Variants in LARP4 observed in about 807,000 individuals in gnomAD.
LARP4 encodes the protein La ribonucleoprotein 4, also known as la-related protein 4.
A neutral mutation model predicts 92.9 loss-of-function variants in LARP4; 29 were observed. The observed-to-expected ratio is 0.31, with a 90% CI of 0.23 to 0.43. The LOEUF (loss-of-function observed/expected upper bound fraction) is 0.43, where lower values mean the gene tolerates loss of function less well. Among genes scored for constraint, LARP4 ranks in the 20% least tolerant of loss-of-function variants. LARP4 has a pLI of 1.00. For missense variants in LARP4, 732 were observed against 860.0 expected (o/e 0.85, Z 1.86); for synonymous variants, 279 against 284.1 (o/e 0.98, Z 0.18).
intron 1 of LARP4, among the ~76,000 whole-genome samples, chr12:50,422,648 ATC>A: frequency 6.6e-6 from 1 of 151,926 alleles, no homozygotes; most frequent in South Asian, 2.1e-4. Context: ...TGTATTCCTC[ATC>A]TGTTTAAACA....
intron 2 of LARP4, among the ~76,000 whole-genome samples, chr12:50,428,259 C>T (rs985467943): frequency 6.6e-6 from 1 of 152,088 alleles, no homozygotes; most frequent in African/African-American, 2.4e-5. Context: ...AACTCCTGAC[C>T]TCAAGTGATC....
intron 4 of LARP4, among the ~76,000 whole-genome samples, chr12:50,431,496 T>A (rs1949650784): frequency 6.6e-6 from 1 of 152,214 alleles, no homozygotes; most frequent in Admixed American, 6.5e-5. Context: ...ATTGCCAATG[T>A]CTTCTCTTAA....
At chr12:50,429,946 T>G (rs1220328989) in intron 3 of LARP4, among the ~76,000 whole-genome samples, 2 of 152,208 alleles carry the variant, frequency 1.3e-5, no homozygotes, top group Non-Finnish European at 2.9e-5. Flanking sequence ...GGCCTTTAAG[T>G]GCTTTTAGTA....
rs1327516911 is a variant in LARP4, at chr12:50,477,708, A to G, written c.*1844A>G. On this transcript the variant is annotated 3_prime_UTR_variant, in exon 16 of 16. Coordinates refer to ENST00000398473, the MANE Select transcript of LARP4 (RefSeq NM_052879.5). Reference sequence around the variant, plus strand: ...TTGTTTTATGACATGGTATACTACTATATTTACTCAGTTTGAAACTATTCA... The same window carrying G: ...TTGTTTTATGACATGGTATACTACTGTATTTACTCAGTTTGAAACTATTCA... 3 of 152,552 alleles carry G rather than the reference A, an allele frequency of 2.0e-5. No homozygotes were observed. The highest frequency in any genetic ancestry group is 1.9e-4 in the East Asian group (1 of 5,204). The allele number at this position is 152,552 out of a possible 1,614,324, so 9.4% of individuals were successfully genotyped here.
Position 50,435,482 on chromosome 12 carries a change from T to TTCTC in LARP4, c.399-5_399-4insCTCT. ...CTTGTTTTATAGGACTATTTTGTTT[T>TTCTC]TTCAGAGAAAATTTGTCAAAGGATC... On this transcript the variant is annotated splice_polypyrimidine_tract_variant and splice_region_variant and intron_variant, in intron 4 of 15. Coordinates refer to ENST00000398473, the MANE Select transcript of LARP4 (RefSeq NM_052879.5). The TTCTC allele has an allele frequency of 1.1e-6, 1 of 883,446 alleles. No individual in the cohort carries two copies. The highest frequency in any genetic ancestry group is 1.7e-6 in the Non-Finnish European group (1 of 578,320). The allele number at this position is 883,446 out of a possible 1,614,324, so 54.7% of individuals were successfully genotyped here. A position where few individuals can be genotyped will look rare whatever the true frequency, so the allele number is the denominator to read the frequency against.
chr12:50,459,428 C>T (rs73305150), intron 10 of LARP4, among the ~76,000 whole-genome samples: 68 of 152,280 alleles, frequency 4.5e-4, no homozygotes, highest in African/African-American at 1.5e-3. Context: ...TATTGTATGT[C>T]TGTATGTATG....
In LARP4 at chr12:50,467,110, A is replaced by T. The variant is rs1291656032; in HGVS notation, c.1535A>T (p.Tyr512Phe). ...ATGTCTGATGTTGTTAAAGGTGTCT[A>T]CAAAGAAAAGGTAAACACCCAGCAT... ...NRMSDVVKGV[Y>F]KEKDNEELTI... The change falls in exon 13 of 16, where the codon TAC becomes TTC. Residue 512 changes from tyrosine to phenylalanine, a missense_variant. By Grantham distance (22) the Tyr-to-Phe change is conservative. This residue lies in a region of LARP4 where 264 missense variants were observed against 269.5 expected (regional missense o/e 0.98). Transcript: ENST00000398473. 6.2e-7 allele frequency: 1 copy of T among 1,600,932 alleles called. No homozygotes were observed. Among genetic ancestry groups the T allele is most frequent in the Admixed American group, 1.7e-5 (1 of 59,896 alleles).
chr12:50,473,308 T>A, intron 13 of LARP4, 107 bp from the exon 14 acceptor site: 1 of 763,378 alleles, frequency 1.3e-6, no homozygotes, highest in Non-Finnish European at 2.1e-6. Context: ...GCTTTGCATT[T>A]TATGATGACT....
At chr12:50,401,229 C>T (rs890911867) in intron 1 of LARP4, 5 of 654,178 alleles carry the variant, frequency 7.6e-6, no homozygotes, top group African/African-American at 7.2e-5. Context: ...GAGGTGAGGC[C>T]CGTAGTGGAG....
At chr12:50,454,492 G>A (rs1953860937) in intron 10 of LARP4, 75 bp downstream of exon 10, 2 of 1,101,624 alleles carry the variant, frequency 1.8e-6, no homozygotes, top group Admixed American at 2.2e-5. Context: ...AGCAATGTTT[G>A]TTGTCAGGCT....
intron 8 of LARP4, 124 bp downstream of exon 8, chr12:50,441,767 G>A (rs936905773): frequency 1.3e-6 from 1 of 781,626 alleles, no homozygotes; most frequent in South Asian, 1.8e-5. Context: ...TTCTGGCTTG[G>A]TCCAGGCGTG....
In LARP4 at chr12:50,427,873, C is replaced by T; in HGVS notation, c.130C>T (p.His44Tyr). Residue 44 changes from histidine to tyrosine, a missense_variant, in exon 2 of 16, where the codon CAT (histidine) becomes TAT (tyrosine). This residue lies in a region of LARP4 where 236 missense variants were observed against 307.6 expected (regional missense o/e 0.77). Transcript: ENST00000398473. ...AACTCATGGAACTGAAAGCTCTTGG[C>T]ATGAAATAGCAGCTACATCAGGTGC... ...PVTHGTESSW[H>Y]EIAATSGAHP... is the part of the protein sequence containing the mutation. 6.2e-7 allele frequency: 1 copy of T among 1,600,024 alleles called. No homozygotes were observed. Among genetic ancestry groups the T allele is most frequent in the Non-Finnish European group, 8.5e-7 (1 of 1,170,632 alleles).
chr12:50,439,368 C>T (rs1950878562), intron 6 of LARP4, among the ~76,000 whole-genome samples: 1 of 151,926 alleles, frequency 6.6e-6, no homozygotes, highest in African/African-American at 2.4e-5. Flanking sequence ...TTGTTTTTTG[C>T]TTTTAAAATT....
At chr12:50,449,517 T>G (rs1952767687) in intron 8 of LARP4, among the ~76,000 whole-genome samples, 3 of 152,142 alleles carry the variant, frequency 2.0e-5, no homozygotes. Flanking sequence ...CTGATCTGTC[T>G]CCCATATTTC....
chr12:50,419,027 A>C (rs1239751167), intron 1 of LARP4, among the ~76,000 whole-genome samples: 1 of 152,100 alleles, frequency 6.6e-6, no homozygotes, highest in African/African-American at 2.4e-5. Flanking sequence ...TCAATTCAAC[A>C]CATATAAAGT....
At chr12:50,415,158 G>A (rs944908154) in intron 1 of LARP4, among the ~76,000 whole-genome samples, 4 of 152,112 alleles carry the variant, frequency 2.6e-5, no homozygotes, top group East Asian at 1.9e-4. Context: ...AGCCGAGATC[G>A]TGCCATTGCA....
At chr12:50,454,496 TC>T in intron 10 of LARP4, 79 bp downstream of exon 10, 1 of 1,056,770 alleles carries the variant, frequency 9.5e-7, no homozygotes, top group Non-Finnish European at 1.4e-6. Context: ...ATGTTTGTTG[TC>T]AGGCTCAGTA....
rs538869425 is a variant in LARP4, at chr12:50,400,900, C to G, written c.-111C>G. 5 of 1,478,104 alleles carry G rather than the reference C, an allele frequency of 3.4e-6. No individual in the cohort carries two copies. Among genetic ancestry groups the G allele is most frequent in the Non-Finnish European group, 3.8e-6 (4 of 1,056,562 alleles). 91.6% of individuals were successfully genotyped at this position (1,478,104 alleles called of 1,614,324 possible). On this transcript the variant is annotated 5_prime_UTR_variant, in exon 1 of 16. Transcript: ENST00000398473. ...GCAGGGGAGGAGCCGGGTCCACTGC[C>G]GGGTGGAGGGGCAAGGCGAGTGTGT...
chr12:50,471,952 A>G (rs1243181106), intron 13 of LARP4, among the ~76,000 whole-genome samples: 1 of 152,174 alleles, frequency 6.6e-6, no homozygotes, highest in Non-Finnish European at 1.5e-5. Context: ...TTTAGTGCCT[A>G]TAGGTTGAAA....
Sources: allele counts gnomAD v4.1 joint callset (sites outside exome capture counted in the v4.1 genomes callset), GRCh38; gene constraint gnomAD v4.1.1; regional missense constraint gnomAD v4.1.1; transcripts MANE v1.5; gene names NCBI Gene and HGNC (gene_info 2026-07-23, HGNC 2026-07-21).